Variants in PXDN observed in about 807,000 individuals in gnomAD.
PXDN encodes peroxidasin, also known as peroxidasin homolog.
A neutral mutation model predicts 140.3 loss-of-function variants in PXDN; 77 were observed. That is an observed-to-expected ratio of 0.55 (90% CI 0.46 to 0.66). PXDN has a LOEUF of 0.66. Among genes scored for constraint, PXDN ranks in the 30% least tolerant of loss-of-function variants. The pLI, the probability that PXDN is intolerant of heterozygous loss-of-function variation, is 0.00. For missense variants in PXDN, 1,838 were observed against 2,039.5 expected, an observed-to-expected ratio of 0.90 and a Z score of 1.90; for synonymous variants, 911 against 857.4, an observed-to-expected ratio of 1.06 and a Z score of -1.09.
intron 15 of PXDN, 91 bp from the exon 16 acceptor site, chr2:1,653,876 A>G (rs1478967810): frequency 1.1e-5 from 15 of 1,360,610 alleles, no homozygotes; most frequent in Non-Finnish European, 1.4e-5. Context: ...ATTGCTATTA[A>G]TATTTCTACG....
chr2:1,642,634 C>G (rs1292130508), intron 19 of PXDN, among the ~76,000 whole-genome samples: 1 of 152,208 alleles, frequency 6.6e-6, no homozygotes, highest in Non-Finnish European at 1.5e-5. Context: ...TTATGGGGAT[C>G]TGATCATAGT....
Position 1,632,851 on chromosome 2 carries a change from G to A in PXDN, c.*1353C>T, listed in dbSNP as rs1682446492. ...CTCAGCTGGGCCTTGCTGCGGGCAG[G>A]TGGCCCGGACCTTGGTGCCTCGTGT... On this transcript the variant is annotated 3_prime_UTR_variant, in exon 23 of 23. Transcript: ENST00000252804. The surrounding 1 kb of genome is among the most constrained non-coding windows in gnomAD (Gnocchi z 4.3). 1 of 152,540 alleles carries A rather than the reference G, an allele frequency of 6.6e-6. No individual in the cohort carries two copies. The highest frequency in any genetic ancestry group is 6.5e-5 in the Admixed American group (1 of 15,274). The allele number at this position is 152,540 out of a possible 1,614,324, so 9.4% of individuals were successfully genotyped here.
chr2:1,653,593 G>A, intron 16 of PXDN, 35 bp downstream of exon 16: 2 of 1,608,178 alleles, frequency 1.2e-6, no homozygotes, highest in Non-Finnish European at 8.5e-7. Flanking sequence ...CGTTACTCAG[G>A]CCATGGAGGA....
At chr2:1,700,348 C>A (rs1684396295) in intron 1 of PXDN, among the ~76,000 whole-genome samples, 1 of 152,144 alleles carries the variant, frequency 6.6e-6, no homozygotes, top group Non-Finnish European at 1.5e-5. Flanking sequence ...TGGCATGAGC[C>A]ACCACATCCA....
chr2:1,684,216 C>G lies in PXDN; in HGVS notation c.417-65G>C. 9 of 1,429,652 alleles carry G rather than the reference C, an allele frequency of 6.3e-6. No homozygotes were observed. The South Asian group carries it at 1.0e-4, about 16-fold the overall frequency. 88.6% of individuals were successfully genotyped at this position (1,429,652 alleles called of 1,614,324 possible). A position where few individuals can be genotyped will look rare whatever the true frequency, so the allele number is the denominator to read the frequency against. On this transcript the variant is annotated intron_variant, in intron 4 of 22. Coordinates refer to ENST00000252804, the MANE Select transcript of PXDN (RefSeq NM_012293.3). ...TATTTTCTTAGATCCAGATTTTTGC[C>G]CAAATTTTTTTCCTAGTCATTTCAA...
At position 1,659,082 on chromosome 2, in the gene PXDN, A is replaced by G. The variant is rs1376342746; in HGVS notation, c.1837+1799T>C. Among the ~76,000 whole-genome samples the G allele has an allele frequency of 2.0e-5, 3 of 152,204 alleles. No homozygotes were observed. The East Asian group carries it at 5.8e-4, about 29-fold the overall frequency. On this transcript the variant is annotated intron_variant, in intron 14 of 22. Coordinates refer to ENST00000252804, the MANE Select transcript of PXDN (RefSeq NM_012293.3). ...GCCCACGAAGGCATTTGCTGAACGA[A>G]CGACCAAGTGGCGGCGACTATTGGT...
At chr2:1,658,027 G>GCTCT (rs1156959508) in intron 14 of PXDN, among the ~76,000 whole-genome samples, 30 of 4,854 alleles carry the variant, frequency 6.2e-3, no homozygotes, top group Non-Finnish European at 0.011. Flanking sequence ...TCAGCTGTGG[G>GCTCT]CTCTCTCTCT....
chr2:1,641,997 C>T (rs1423925808), intron 19 of PXDN, among the ~76,000 whole-genome samples: 1 of 151,962 alleles, frequency 6.6e-6, no homozygotes, highest in African/African-American at 2.4e-5. Context: ...AAAACAAAAA[C>T]AAAAACAAAA....
intron 22 of PXDN, 110 bp downstream of exon 22, chr2:1,635,298 G>C (rs1007683328): frequency 5.0e-5 from 44 of 872,950 alleles, no homozygotes; most frequent in Non-Finnish European, 7.2e-5. Context: ...AGCACAGGTA[G>C]GCGGGGAGGG....
At chr2:1,702,131 T>G (rs1684450366) in intron 1 of PXDN, among the ~76,000 whole-genome samples, 1 of 152,212 alleles carries the variant, frequency 6.6e-6, no homozygotes. Flanking sequence ...TAAAGAAACC[T>G]GGCCTCAATC....
At chr2:1,739,130 C>T (rs1335155627) in intron 1 of PXDN, among the ~76,000 whole-genome samples, 1 of 151,656 alleles carries the variant, frequency 6.6e-6, no homozygotes, top group East Asian at 1.9e-4. Flanking sequence ...GGCCTCCTGT[C>T]CACTCATGGA....
At chr2:1,715,733 G>A (rs1250663532) in intron 1 of PXDN, among the ~76,000 whole-genome samples, 2 of 152,196 alleles carry the variant, frequency 1.3e-5, no homozygotes, top group East Asian at 3.9e-4. Context: ...TCTGAGCACA[G>A]AGACCAGAGC....
At chr2:1,676,858 G>T in intron 8 of PXDN, 69 bp downstream of exon 8, 2 of 1,408,036 alleles carry the variant, frequency 1.4e-6, no homozygotes, top group Non-Finnish European at 2.0e-6. Flanking sequence ...GGGGAGTGAG[G>T]TGTGGTTTGG....
intron 1 of PXDN, among the ~76,000 whole-genome samples, chr2:1,701,000 C>T (rs1038643261): frequency 3.9e-5 from 6 of 152,338 alleles, no homozygotes; most frequent in African/African-American, 1.2e-4. Flanking sequence ...CGCCCTCTCC[C>T]AGGATGAATA....
At chr2:1,679,604 T>C (rs1435329765) in intron 7 of PXDN, among the ~76,000 whole-genome samples, 5 of 139,938 alleles carry the variant, frequency 3.6e-5, no homozygotes, top group African/African-American at 5.5e-5. Flanking sequence ...TATGTGCGTG[T>C]GTGTGTGTGT....
rs1256299303 is a variant in PXDN, at chr2:1,706,832, TCCGAGAGCACG to T, written c.201-13709_201-13699del. ...ATCGCCTGCCCCACTAATAATACAA[TCCGAGAGCACG>T]CTTCACTGTTCACCAATCAGCTCTA... is the stretch of plus-strand genomic sequence containing the variant. On this transcript the variant is annotated intron_variant, in intron 1 of 22. Transcript: ENST00000252804. Among the ~76,000 whole-genome samples, 63 of 133,214 alleles carry T rather than the reference TCCGAGAGCACG, an allele frequency of 4.7e-4. 5 individuals carry two copies. In the East Asian group the frequency reaches 8.7e-3, roughly 18 times the overall value. The allele number at this position is 133,214 out of a possible 152,430, so 87.4% of individuals were successfully genotyped here. A position where few individuals can be genotyped will look rare whatever the true frequency, so the allele number is the denominator to read the frequency against.
chr2:1,731,995 C>A (rs756981324), intron 1 of PXDN, among the ~76,000 whole-genome samples: 1 of 152,102 alleles, frequency 6.6e-6, no homozygotes, highest in Non-Finnish European at 1.5e-5. Context: ...TTTTACCACA[C>A]CTGCTTGCAG....
chr2:1,713,031 G>C (rs1684819908), intron 1 of PXDN, among the ~76,000 whole-genome samples: 1 of 152,158 alleles, frequency 6.6e-6, no homozygotes, highest in Non-Finnish European at 1.5e-5. Context: ...GGCCGTTTTG[G>C]AGTATGTTGT....
At chr2:1,679,704 G>T (rs942155117) in intron 7 of PXDN, among the ~76,000 whole-genome samples, 3 of 149,324 alleles carry the variant, frequency 2.0e-5, no homozygotes, top group South Asian at 2.1e-4. Context: ...GTGTCTGCAT[G>T]TGTGTCTATA....
Sources: gnomAD v4.1 joint callset for allele counts (sites outside exome capture counted in the v4.1 genomes callset) on GRCh38, gnomAD v4.1.1 for gene constraint, Gnocchi (gnomAD v3.1) non-coding constraint, MANE v1.5 for transcripts, NCBI Gene and HGNC (gene_info 2026-07-23, HGNC 2026-07-21) for gene names.